The following CFAP251 variants were observed in gnomAD, a reference collection of about 807,000 sequenced individuals.
CFAP251 encodes cilia- and flagella-associated protein 251.
A neutral mutation model predicts 126.7 loss-of-function variants in CFAP251; 93 were observed. The observed-to-expected ratio is 0.73, with a 90% CI of 0.62 to 0.87. CFAP251 has a LOEUF of 0.87. Ranked by LOEUF, CFAP251 falls within the 40% of genes least tolerant of loss-of-function variation. The pLI, the probability that CFAP251 is intolerant of heterozygous loss-of-function variation, is 0.00. For missense variants in CFAP251, 1,287 were observed against 1,389.2 expected (o/e 0.93, Z 1.17); for synonymous variants, 503 against 506.9 (o/e 0.99, Z 0.10).
chr12:121,988,248 C>A (rs978972854), intron 19 of CFAP251, among the ~76,000 whole-genome samples: 1 of 152,118 alleles, frequency 6.6e-6, no homozygotes, highest in African/African-American at 2.4e-5. Flanking sequence ...AGATATACCA[C>A]ATACCACGTA....
chr12:122,000,513 C>G (rs1883123164), intron 20 of CFAP251, among the ~76,000 whole-genome samples: 1 of 146,138 alleles, frequency 6.8e-6, no homozygotes, highest in African/African-American at 2.5e-5. Context: ...GATCACGCCA[C>G]TGCAGTTCAG....
At chr12:121,940,559 C>A (rs921479902) in intron 5 of CFAP251, among the ~76,000 whole-genome samples, 2 of 152,138 alleles carry the variant, frequency 1.3e-5, no homozygotes, top group Admixed American at 6.6e-5. Flanking sequence ...CAAAAAAGAA[C>A]CATGTGACCC....
chr12:121,963,014 C>A (rs566331360), intron 15 of CFAP251, among the ~76,000 whole-genome samples: 1 of 152,086 alleles, frequency 6.6e-6, no homozygotes, highest in Non-Finnish European at 1.5e-5. Flanking sequence ...GACTCTGGTT[C>A]CTTCCCGGGT....
At chr12:121,969,867 C>T (rs1185540275) in intron 17 of CFAP251, 3 of 985,330 alleles carry the variant, frequency 3.0e-6, no homozygotes, top group African/African-American at 1.7e-5. Flanking sequence ...AAGGCCTCTG[C>T]TTTCCAATAG....
chr12:121,960,750 A>G lies in CFAP251; in HGVS notation c.2299A>G (p.Arg767Gly). The G allele has an allele frequency of 6.2e-7, 1 of 1,613,144 alleles. No individual in the cohort carries two copies. The highest frequency in any genetic ancestry group is 8.5e-7 in the Non-Finnish European group (1 of 1,179,814). Residue 767 changes from arginine to glycine, a missense_variant, in exon 14 of 22, where the codon AGG (arginine) becomes GGG (glycine). Transcript: ENST00000288912. ...TAGACTGCTGAGCCTTGGGACAGAC[A>G]GGCTCTTGGTGAGCTGTTTAGTTTT... The part of the protein sequence containing the change: ...EPRLLSLGTD[R>G]LLIEYDLLRS...
At chr12:121,967,271 A>C (rs893048134) in intron 16 of CFAP251, among the ~76,000 whole-genome samples, 11 of 152,222 alleles carry the variant, frequency 7.2e-5, no homozygotes, top group Non-Finnish European at 1.2e-4. Context: ...GAGTTACTGC[A>C]TTTTCTATAT....
At position 121,940,932 on chromosome 12, in the gene CFAP251, G is replaced by T. The variant is rs74800408; in HGVS notation, c.999-1602G>T. Among the ~76,000 whole-genome samples, 96 of 152,174 alleles carry T rather than the reference G, an allele frequency of 6.3e-4. 2 individuals carry two copies. Among genetic ancestry groups the T allele is most frequent in the South Asian group, 1.7e-3 (8 of 4,820 alleles). ...ATGATTAGGATGATGCGATTGTTTT[G>T]CAGTGTGCTTTTTTCACAAATTTTG... On this transcript the variant is annotated intron_variant, in intron 5 of 21. Coordinates refer to ENST00000288912, the MANE Select transcript of CFAP251 (RefSeq NM_144668.6).
rs1274105472 is a variant in CFAP251, at chr12:121,958,387, C to A, written c.1846C>A (p.Pro616Thr). 2 of 1,614,090 alleles carry A rather than the reference C, an allele frequency of 1.2e-6. No homozygotes were observed. Among genetic ancestry groups the A allele is most frequent in the African/African-American group, 1.3e-5 (1 of 74,930 alleles). ...KDAICAISCH[P>T]YQPLIAIGSI... Reference sequence around the variant, plus strand: ...TGCCATTTGTGCCATCTCCTGCCACCCATATCAACCCCTCATTGCCATCGG... The same window carrying A: ...TGCCATTTGTGCCATCTCCTGCCACACATATCAACCCCTCATTGCCATCGG... The change falls in exon 12 of 22, where the codon CCA becomes ACA. Residue 616 changes from proline to threonine, a missense_variant. Coordinates refer to ENST00000288912, the MANE Select transcript of CFAP251 (RefSeq NM_144668.6).
intron 19 of CFAP251, among the ~76,000 whole-genome samples, chr12:121,988,529 G>A (rs1023273534): frequency 1.3e-5 from 2 of 152,102 alleles, no homozygotes; most frequent in African/African-American, 4.8e-5. Flanking sequence ...TGTTTTCCAG[G>A]TTCATCCAGG....
At chr12:121,945,230 A>G (rs1476585329) in intron 7 of CFAP251, among the ~76,000 whole-genome samples, 1 of 151,916 alleles carries the variant, frequency 6.6e-6, no homozygotes, top group Admixed American at 6.6e-5. Context: ...CTCTACCTGC[A>G]TTATCTGGCC....
intron 19 of CFAP251, among the ~76,000 whole-genome samples, chr12:121,993,914 C>T (rs1882954197): frequency 8.3e-6 from 1 of 120,672 alleles, no homozygotes; most frequent in African/African-American, 3.1e-5. Context: ...TGCCCGGCCG[C>T]CCCTACTGGG....
At position 121,974,209 on chromosome 12, in the gene CFAP251, A is replaced by G. The variant is rs1048069483; in HGVS notation, c.2772-1035A>G. The stretch of plus-strand genomic sequence containing the variant: ...TTGGTCTCTCATTCTCTCTCTTGCC[A>G]CTGCCATGTGAGACATGCCTTTCAC... On this transcript the variant is annotated intron_variant, in intron 17 of 21. Coordinates refer to ENST00000288912, the MANE Select transcript of CFAP251 (RefSeq NM_144668.6). This position sits in a 1 kb window ranked among gnomAD's most constrained non-coding sequence, Gnocchi z 4.6. Among the ~76,000 whole-genome samples, 1 of 152,116 alleles carries G rather than the reference A, an allele frequency of 6.6e-6. No individual in the cohort carries two copies. The highest frequency in any genetic ancestry group is 2.4e-5 in the African/African-American group (1 of 41,414).
At chr12:122,000,557 A>AT (rs1883125425) in intron 20 of CFAP251, among the ~76,000 whole-genome samples, 2 of 151,938 alleles carry the variant, frequency 1.3e-5, no homozygotes, top group Admixed American at 1.3e-4. Context: ...CAAAAAAAAA[A>AT]AAAAGAAAGA....
At chr12:121,949,142 TA>T in intron 8 of CFAP251, 81 bp downstream of exon 8, 1 of 889,680 alleles carries the variant, frequency 1.1e-6, no homozygotes, top group Non-Finnish European at 1.7e-6. Context: ...TTCAGTAATG[TA>T]ACAATATAGT....
chr12:121,975,954 G>A (rs1882446129), intron 19 of CFAP251, among the ~76,000 whole-genome samples: 1 of 152,036 alleles, frequency 6.6e-6, no homozygotes, highest in African/African-American at 2.4e-5. Flanking sequence ...ACGGACTGGG[G>A]CTGCCGTCTC....
chr12:121,942,409 T>C, intron 5 of CFAP251, 125 bp from the exon 6 acceptor site: 1 of 607,350 alleles, frequency 1.6e-6, no homozygotes, highest in East Asian at 2.8e-5. Flanking sequence ...AAGATTCCAC[T>C]GTATGGATAG....
chr12:121,979,563 C>CT lies in CFAP251; in HGVS notation c.3006+3897dup, dbSNP rs71082922. ...GAGATCATTAGTCAGCTTTCTTCTT[C>CT]TTTTTTTTTTTTTTTTTTTGAGACA... is the stretch of plus-strand genomic sequence containing the variant. On this transcript the variant is annotated intron_variant, in intron 19 of 21. Transcript: ENST00000288912. 5.6e-4 allele frequency among the ~76,000 whole-genome samples: 48 copies of CT among 85,002 alleles called. 1 individual carries two copies. The highest frequency in any genetic ancestry group is 1.1e-3 in the African/African-American group (26 of 23,914). The allele number at this position is 85,002 out of a possible 152,430, so 55.8% of individuals were successfully genotyped here.
Position 121,960,778 on chromosome 12 carries a change from T to C in CFAP251, c.2307+20T>C. ...CTCTTGGTGAGCTGTTTAGTTTTCGTTGACCTGGTCGCCAAGACTGTGTCT... is the reference window on the plus strand; with the variant it reads ...CTCTTGGTGAGCTGTTTAGTTTTCGCTGACCTGGTCGCCAAGACTGTGTCT... On this transcript the variant is annotated intron_variant, in intron 14 of 21. Coordinates refer to ENST00000288912, the MANE Select transcript of CFAP251 (RefSeq NM_144668.6). 3.1e-6 allele frequency: 5 copies of C among 1,611,410 alleles called. No individual in the cohort carries two copies. The highest frequency in any genetic ancestry group is 4.2e-6 in the Non-Finnish European group (5 of 1,179,194).
chr12:121,929,415 A>C (rs60407987), intron 3 of CFAP251, among the ~76,000 whole-genome samples: 39,291 of 151,260 alleles, frequency 0.26, 8,972 homozygotes, highest in African/African-American at 0.61. Context: ...CCTCTTTTTC[A>C]CAGTTTTCCC....
Sources: gnomAD v4.1 joint callset for allele counts (sites outside exome capture counted in the v4.1 genomes callset) on GRCh38, gnomAD v4.1.1 for gene constraint, Gnocchi (gnomAD v3.1) non-coding constraint, MANE v1.5 for transcripts, NCBI Gene and HGNC (gene_info 2026-07-23, HGNC 2026-07-21) for gene names.